CSMD2: variants seen among roughly 807,000 people sequenced by gnomAD.
CSMD2 encodes the protein CUB and sushi domain-containing protein 2.
Under a neutral mutation model 398.5 loss-of-function variants are expected in CSMD2, and 130 were observed. The ratio of observed to expected loss-of-function variants is 0.33; its 90% CI spans 0.28 to 0.38. The LOEUF is 0.38. Among genes scored for constraint, CSMD2 ranks in the 10% least tolerant of loss-of-function variants. The pLI, the probability that CSMD2 is intolerant of heterozygous loss-of-function variation, is 1.00. For missense variants in CSMD2, 3,829 were observed against 4,764.9 expected, an observed-to-expected ratio of 0.80 and a Z score of 5.78; for synonymous variants, 1,828 against 1,908.5, an observed-to-expected ratio of 0.96 and a Z score of 1.10.
At chr1:33,612,496 T>C (rs768636625) in intron 40 of CSMD2, among the ~76,000 whole-genome samples, 1 of 152,230 alleles carries the variant, frequency 6.6e-6, no homozygotes, top group Admixed American at 6.5e-5. Context: ...AATGATATTA[T>C]ACTGTACATA....
chr1:33,592,174 G>A (rs1162027945), intron 44 of CSMD2: 1 of 532,664 alleles, frequency 1.9e-6, no homozygotes, highest in African/African-American at 1.9e-5. Flanking sequence ...ACGAGGAACT[G>A]AAGGGCCATC....
intron 21 of CSMD2, among the ~76,000 whole-genome samples, chr1:33,713,181 G>C (rs1198840245): frequency 6.6e-6 from 1 of 152,168 alleles, no homozygotes; most frequent in East Asian, 1.9e-4. Flanking sequence ...CTAGGCGTTG[G>C]TAAGTGGCAG....
intron 21 of CSMD2, among the ~76,000 whole-genome samples, chr1:33,710,521 C>A (rs1645949304): frequency 6.6e-6 from 1 of 152,136 alleles, no homozygotes; most frequent in African/African-American, 2.4e-5. Flanking sequence ...GATGGCAGGC[C>A]TGTTATTCGT....
chr1:33,583,622 G>A lies in CSMD2; in HGVS notation c.7240+20C>T. 6.2e-6 allele frequency: 10 copies of A among 1,609,980 alleles called. No individual in the cohort carries two copies. Among genetic ancestry groups the A allele is most frequent in the Non-Finnish European group, 8.5e-6 (10 of 1,177,108 alleles). ...CATGTCTTCTGCAGCAGAGAACTGTGAGGCATTTGACTGACTTACCATCAA... is the reference window on the plus strand; with the variant it reads ...CATGTCTTCTGCAGCAGAGAACTGTAAGGCATTTGACTGACTTACCATCAA... On this transcript the variant is annotated intron_variant, in intron 47 of 70. Coordinates refer to ENST00000373381, the MANE Select transcript of CSMD2 (RefSeq NM_001281956.2).
At chr1:34,112,222 T>C (rs1291954819) in intron 1 of CSMD2, among the ~76,000 whole-genome samples, 2 of 152,178 alleles carry the variant, frequency 1.3e-5, no homozygotes, top group Non-Finnish European at 2.9e-5. Flanking sequence ...ATGATCAGGC[T>C]GGGCATGTGG....
rs568110166 is a variant in CSMD2 at position 33,674,214 on chromosome 1, T to A, written c.4053-11122A>T. On this transcript the variant is annotated intron_variant, in intron 25 of 70. Coordinates refer to ENST00000373381, the MANE Select transcript of CSMD2 (RefSeq NM_001281956.2). ...CAGTGTGCTGTATTCAGGAAACCTA[T>A]CTCACGTGCAGAGACACACATAAGC... Among the ~76,000 whole-genome samples, 5 of 152,136 alleles carry A rather than the reference T, an allele frequency of 3.3e-5. No homozygotes were observed. The East Asian group carries it at 9.7e-4, about 29-fold the overall frequency.
At chr1:34,145,958 T>C (rs1404418346) in intron 1 of CSMD2, among the ~76,000 whole-genome samples, 2 of 152,170 alleles carry the variant, frequency 1.3e-5, no homozygotes, top group African/African-American at 4.8e-5. Context: ...GAGTGCTCCA[T>C]TCTCAAGATT....
chr1:33,628,879 C>T (rs1179449120), intron 32 of CSMD2, among the ~76,000 whole-genome samples: 2 of 151,896 alleles, frequency 1.3e-5, no homozygotes, highest in Admixed American at 6.6e-5. Context: ...CAAAGAATCA[C>T]GTTGGACCCC....
chr1:33,754,564 G>A (rs1648726664), intron 13 of CSMD2, among the ~76,000 whole-genome samples: 1 of 152,176 alleles, frequency 6.6e-6, no homozygotes, highest in African/African-American at 2.4e-5. Flanking sequence ...GCTAATAAAG[G>A]AAGAGCATAG....
At chr1:34,137,241 C>T (rs968850435) in intron 1 of CSMD2, among the ~76,000 whole-genome samples, 3 of 152,022 alleles carry the variant, frequency 2.0e-5, no homozygotes, top group Non-Finnish European at 2.9e-5. Flanking sequence ...CCTAGACTTA[C>T]TTATCTCTCT....
Position 33,716,394 on chromosome 1 carries a change from G to A in CSMD2, c.3109C>T (p.Arg1037Trp), listed in dbSNP as rs752575603. 10 of 1,614,060 alleles carry A rather than the reference G, an allele frequency of 6.2e-6. No homozygotes were observed. Among genetic ancestry groups the A allele is most frequent in the Non-Finnish European group, 8.5e-6 (10 of 1,179,986 alleles). Residue 1037 changes from arginine to tryptophan, a missense_variant, in exon 20 of 71, where the codon CGG becomes TGG. Physicochemically the swap from Arg to Trp is moderately radical, Grantham distance 101. Coordinates refer to ENST00000373381, the MANE Select transcript of CSMD2 (RefSeq NM_001281956.2). ...TQPLRQLTGS[R>W]LPAPISAGLY... ...CCAGCGCTGATGGGAGCTGGCAGCC[G>A]AGATCCAGTTAGCTGCCTCAGGGGC...
chr1:33,781,057 T>TG, intron 12 of CSMD2, among the ~76,000 whole-genome samples: 1 of 152,306 alleles, frequency 6.6e-6, no homozygotes, highest in African/African-American at 2.4e-5. Flanking sequence ...CCACCTCTTC[T>TG]GGGGGCTCAG....
chr1:34,067,280 T>C (rs1004479990), intron 2 of CSMD2, among the ~76,000 whole-genome samples: 1 of 152,196 alleles, frequency 6.6e-6, no homozygotes. Flanking sequence ...AACAGAGCAT[T>C]ATTTGCAAAT....
Position 33,911,176 on chromosome 1 carries a change from G to A in CSMD2, c.920+6918C>T, listed in dbSNP as rs982695952. Among the ~76,000 whole-genome samples the A allele has an allele frequency of 3.9e-5, 6 of 152,264 alleles. No homozygotes were observed. The East Asian group carries it at 1.2e-3, about 29-fold the overall frequency. ...TCCCTCTAGCACCTAGGAGAGCCTC[G>A]TTCATAGAAGAGTCTCAATAAATGA... On this transcript the variant is annotated intron_variant, in intron 5 of 70. Transcript: ENST00000373381.
At chr1:34,076,305 A>C (rs1335656559) in intron 2 of CSMD2, among the ~76,000 whole-genome samples, 1 of 152,252 alleles carries the variant, frequency 6.6e-6, no homozygotes, top group African/African-American at 2.4e-5. Context: ...ACAGACATAG[A>C]AAGAGGAGTA....
At chr1:34,045,911 G>GA (rs1469676515) in intron 2 of CSMD2, among the ~76,000 whole-genome samples, 2 of 152,204 alleles carry the variant, frequency 1.3e-5, no homozygotes, top group Non-Finnish European at 2.9e-5. Flanking sequence ...AGGTTTGCCT[G>GA]AAAAAAATAA....
At chr1:34,165,443 G>T (rs1641802254), upstream of CSMD2, among the ~76,000 whole-genome samples, 1 of 152,176 alleles carries the variant, frequency 6.6e-6, no homozygotes, top group Admixed American at 6.5e-5. Context: ...CCTCTTCAGC[G>T]CCACCTCCAC....
intron 5 of CSMD2, chr1:33,862,665 T>G (rs1464906993): frequency 6.6e-6 from 1 of 152,414 alleles, no homozygotes; most frequent in Non-Finnish European, 1.5e-5. Flanking sequence ...TGATATCTTA[T>G]AGGCCCCCAA....
At chr1:33,582,896 C>A (rs1371266506) in intron 47 of CSMD2, among the ~76,000 whole-genome samples, 1 of 152,206 alleles carries the variant, frequency 6.6e-6, no homozygotes, top group Admixed American at 6.5e-5. Flanking sequence ...GCCATGTAGT[C>A]TTTTCCATAC....
Sources: gnomAD v4.1 joint callset for allele counts (sites outside exome capture counted in the v4.1 genomes callset) on GRCh38, gnomAD v4.1.1 for gene constraint, MANE v1.5 for transcripts, NCBI Gene and HGNC (gene_info 2026-07-23, HGNC 2026-07-21) for gene names.